RCOR1: variants seen among roughly 807,000 people sequenced by gnomAD.
RCOR1 encodes REST corepressor.
Under a neutral mutation model 64.0 loss-of-function variants are expected in RCOR1, and 12 were observed. That is an observed-to-expected ratio of 0.19 (90% CI 0.12 to 0.30). RCOR1 has a LOEUF of 0.30. Among genes scored for constraint, RCOR1 ranks in the 10% least tolerant of loss-of-function variants. RCOR1 has a pLI of 1.00. For synonymous variants in RCOR1, 279 were observed against 227.2 expected (o/e 1.23, Z -2.05); for missense variants, 502 against 621.2 (o/e 0.81, Z 2.04).
At position 102,728,223 on chromosome 14, in the gene RCOR1, A is replaced by G. The variant is rs45485304; in HGVS notation, c.*1717A>G. ...AAAGGTCATTCAAAAGGAAAGTACA[A>G]TGGGACTTGCTGCCCTTCATCATCT... On this transcript the variant is annotated 3_prime_UTR_variant, in exon 12 of 12. Coordinates refer to ENST00000262241, the MANE Select transcript of RCOR1 (RefSeq NM_015156.4). 10,132 of 152,130 alleles carry G rather than the reference A, an allele frequency of 0.067. 465 individuals carry two copies. Among genetic ancestry groups the G allele is most frequent in the Middle Eastern group, 0.14 (40 of 292 alleles). The allele number at this position is 152,130 out of a possible 1,614,324, so 9.4% of individuals were successfully genotyped here. A position where few individuals can be genotyped will look rare whatever the true frequency, so the allele number is the denominator to read the frequency against.
intron 2 of RCOR1, among the ~76,000 whole-genome samples, chr14:102,628,422 C>A (rs1894025923): frequency 6.6e-6 from 1 of 152,104 alleles, no homozygotes; most frequent in Non-Finnish European, 1.5e-5. Context: ...AAGAGCTAGT[C>A]CCTGGCTTCA....
chr14:102,719,495 C>T (rs1896134752), intron 8 of RCOR1, among the ~76,000 whole-genome samples: 1 of 152,052 alleles, frequency 6.6e-6, no homozygotes, highest in Non-Finnish European at 1.5e-5. Context: ...TGAGAACATG[C>T]GGTGTTTGGT....
intron 2 of RCOR1, among the ~76,000 whole-genome samples, chr14:102,597,495 GTTTTTGTAGT>G (rs1893281359): frequency 6.7e-6 from 1 of 149,766 alleles, no homozygotes; most frequent in Non-Finnish European, 1.5e-5. Context: ...CACCCGGCTA[GTTTTTGTAGT>G]TTTAGTAGAG....
intron 2 of RCOR1, among the ~76,000 whole-genome samples, chr14:102,677,297 C>T (rs1895199129): frequency 8.8e-6 from 1 of 113,288 alleles, no homozygotes; most frequent in Admixed American, 7.7e-5. Context: ...GCAAAGGAGC[C>T]CCTCACCTCC....
At chr14:102,700,304 C>G (rs575719567) in intron 3 of RCOR1, among the ~76,000 whole-genome samples, 11 of 152,156 alleles carry the variant, frequency 7.2e-5, no homozygotes, top group Non-Finnish European at 1.5e-4. Context: ...TCACTGCAAC[C>G]TCTGCCTCCC....
Position 102,722,284 on chromosome 14 carries a change from C to A in RCOR1, c.1287C>A (p.Arg429=). 6.2e-7 allele frequency: 1 copy of A among 1,614,054 alleles called. No homozygotes were observed. Among genetic ancestry groups the A allele is most frequent in the Non-Finnish European group, 8.5e-7 (1 of 1,179,964 alleles). Residue 429 remains arginine, a synonymous_variant, in exon 11 of 12, where the codon CGC becomes CGA. Coordinates refer to ENST00000262241, the MANE Select transcript of RCOR1 (RefSeq NM_015156.4). The part of the protein sequence containing the change: ...QVKNFFVNYR[R]RFNIDEVLQE... The stretch of plus-strand genomic sequence containing the variant: ...AAAACTTTTTTGTAAATTATCGACG[C>A]CGCTTCAACATAGATGAAGTTTTAC...
intron 2 of RCOR1, among the ~76,000 whole-genome samples, chr14:102,633,994 A>G (rs1894180226): frequency 6.6e-6 from 1 of 152,182 alleles, no homozygotes; most frequent in African/African-American, 2.4e-5. Flanking sequence ...GTACACATAC[A>G]TGCTTGTGTA....
At chr14:102,648,936 G>A (rs1894527796) in intron 2 of RCOR1, among the ~76,000 whole-genome samples, 1 of 152,046 alleles carries the variant, frequency 6.6e-6, no homozygotes, top group South Asian at 2.1e-4. Flanking sequence ...GTGAAGACAG[G>A]GCTCCAAAGG....
rs1261000697 is a variant in RCOR1, at chr14:102,704,556, T to TA, written c.499-2795_499-2794insA. On this transcript the variant is annotated intron_variant, in intron 4 of 11. Transcript: ENST00000262241. ...AAACAATTCTCCTGCCTCAGCCTCC[T>TA]GAGTAGCTGGGATTACAGGTGCCTG... Among the ~76,000 whole-genome samples the TA allele has an allele frequency of 5.9e-5, 9 of 152,264 alleles. No individual in the cohort carries two copies. In the East Asian group the frequency reaches 1.2e-3, roughly 20 times the overall value.
At chr14:102,710,129 T>C (rs1895929826) in intron 6 of RCOR1, among the ~76,000 whole-genome samples, 1 of 152,240 alleles carries the variant, frequency 6.6e-6, no homozygotes, top group Admixed American at 6.5e-5. Flanking sequence ...CACTCTTTCC[T>C]CAGCTAGAGC....
At chr14:102,681,608 G>T (rs1895304788) in intron 2 of RCOR1, among the ~76,000 whole-genome samples, 1 of 152,230 alleles carries the variant, frequency 6.6e-6, no homozygotes, top group Non-Finnish European at 1.5e-5. Context: ...CATTTTAAAA[G>T]AACCTTTGAG....
chr14:102,685,328 A>G (rs1031161351), intron 3 of RCOR1, among the ~76,000 whole-genome samples: 3 of 152,218 alleles, frequency 2.0e-5, no homozygotes, highest in Admixed American at 1.3e-4. Flanking sequence ...TACTGTAACT[A>G]GTATGGATGT....
chr14:102,711,016 AT>A lies in RCOR1; in HGVS notation c.858+9del, dbSNP rs751659662. 47 of 1,588,324 alleles carry A rather than the reference AT, an allele frequency of 3.0e-5. No homozygotes were observed. The African/African-American group carries it at 3.9e-4, about 13-fold the overall frequency. On this transcript the variant is annotated splice_donor_region_variant and intron_variant, in intron 7 of 11. Transcript: ENST00000262241. ...AAAACAAGGAAAGCAAAAAGGAGGT[AT>A]TTTTTCCCCCTAGTATTGTTTAGGC... is the stretch of plus-strand genomic sequence containing the variant.
At chr14:102,684,598 C>A (rs550681721) in intron 3 of RCOR1, among the ~76,000 whole-genome samples, 1 of 152,110 alleles carries the variant, frequency 6.6e-6, no homozygotes, top group Admixed American at 6.5e-5. Flanking sequence ...CAAACACTTA[C>A]CTAAAAGTAA....
chr14:102,596,645 A>G (rs151272402), intron 2 of RCOR1, among the ~76,000 whole-genome samples: 3,561 of 151,572 alleles, frequency 0.023, 129 homozygotes, highest in African/African-American at 0.077. Context: ...GCTCACTGCA[A>G]CCTCCACCTC....
intron 2 of RCOR1, among the ~76,000 whole-genome samples, chr14:102,677,435 C>G (rs1255850929): frequency 2.1e-5 from 3 of 143,166 alleles, no homozygotes; most frequent in Non-Finnish European, 3.1e-5. Flanking sequence ...GGGCTCCTCA[C>G]TTCTCAGACG....
At chr14:102,615,359 C>T (rs895515548) in intron 2 of RCOR1, among the ~76,000 whole-genome samples, 4 of 151,368 alleles carry the variant, frequency 2.6e-5, no homozygotes, top group African/African-American at 9.7e-5. Flanking sequence ...CCCAGCTGGT[C>T]TCGAACCCCT....
At chr14:102,617,972 C>CTTTTTTTTTTTT (rs71305077) in intron 2 of RCOR1, among the ~76,000 whole-genome samples, 2 of 122,526 alleles carry the variant, frequency 1.6e-5, no homozygotes, top group Non-Finnish European at 1.7e-5. Context: ...TTTTTTTTTT[C>CTTTTTTTTTTTT]TTTTTTTTTT....
intron 2 of RCOR1, among the ~76,000 whole-genome samples, chr14:102,674,776 G>A (rs1339760147): frequency 6.6e-6 from 1 of 151,982 alleles, no homozygotes; most frequent in African/African-American, 2.4e-5. Flanking sequence ...TTTAAAACTT[G>A]ATAAAAATCG....
Sources: allele counts gnomAD v4.1 joint callset (sites outside exome capture counted in the v4.1 genomes callset), GRCh38; gene constraint gnomAD v4.1.1; transcripts MANE v1.5; gene names NCBI Gene and HGNC (gene_info 2026-07-23, HGNC 2026-07-21).